The following NRXN1 variants were observed in gnomAD, a reference collection of about 807,000 sequenced individuals.
NRXN1 encodes the protein neurexin 1.
Under a neutral mutation model 150.9 loss-of-function variants are expected in NRXN1, and 39 were observed. That is an observed-to-expected ratio of 0.26 (90% CI 0.20 to 0.34). NRXN1 has a LOEUF of 0.34. Among genes scored for constraint, NRXN1 ranks in the 10% least tolerant of loss-of-function variants. The pLI is 1.00. For synonymous variants in NRXN1, 924 were observed against 757.0 expected, an observed-to-expected ratio of 1.22 and a Z score of -3.62; for missense variants, 1,815 against 1,949.9, an observed-to-expected ratio of 0.93 and a Z score of 1.30.
intron 18 of NRXN1, among the ~76,000 whole-genome samples, chr2:50,183,969 A>C (rs2060905953): frequency 6.6e-6 from 1 of 152,016 alleles, no homozygotes; most frequent in African/African-American, 2.4e-5. Context: ...TAGCAAGTAC[A>C]TTCGCACTGA....
intron 2 of NRXN1, among the ~76,000 whole-genome samples, chr2:50,951,158 A>C (rs184585466): frequency 6.6e-6 from 1 of 152,182 alleles, no homozygotes. Context: ...AGCTCAGGAT[A>C]ATTCCTTGGA....
At chr2:50,193,338 ACGAGTGTTCTGG>A (rs2061561865) in intron 18 of NRXN1, among the ~76,000 whole-genome samples, 1 of 152,188 alleles carries the variant, frequency 6.6e-6, no homozygotes, top group Non-Finnish European at 1.5e-5. Flanking sequence ...TTTAGAGCCT[ACGAGTGTTCTGG>A]TATTGTCCCA....
chr2:50,902,948 G>C (rs1005963550), intron 5 of NRXN1, among the ~76,000 whole-genome samples: 5 of 151,958 alleles, frequency 3.3e-5, no homozygotes, highest in Non-Finnish European at 5.9e-5. Context: ...GATAAGGAAG[G>C]GAAGAGGAAG....
At chr2:50,461,915 G>C (rs1307108838) in intron 17 of NRXN1, among the ~76,000 whole-genome samples, 2 of 151,932 alleles carry the variant, frequency 1.3e-5, no homozygotes, top group African/African-American at 4.8e-5. Flanking sequence ...ATAAGCAATG[G>C]TGAGGAAATT....
Position 50,247,766 on chromosome 2 carries a change from A to G in NRXN1, c.3365-10796T>C, listed in dbSNP as rs185147574. 1.7e-3 allele frequency among the ~76,000 whole-genome samples: 264 copies of G among 152,244 alleles called. 1 individual carries two copies. Among genetic ancestry groups the G allele is most frequent in the Non-Finnish European group, 1.8e-3 (120 of 68,024 alleles). On this transcript the variant is annotated intron_variant, in intron 17 of 22. Transcript: ENST00000401669. ...GATCCTGGCTTTGATAGTGGACCAC[A>G]GAAGAGGGCATTAGTGGGACAACTG... is the stretch of plus-strand genomic sequence containing the variant.
intron 8 of NRXN1, among the ~76,000 whole-genome samples, chr2:50,580,101 A>G (rs1573630684): frequency 6.6e-6 from 1 of 152,350 alleles, no homozygotes; most frequent in East Asian, 1.9e-4. Flanking sequence ...TGAAATAACT[A>G]TTCAATAAAT....
chr2:50,175,366 G>C (rs1432143986), intron 18 of NRXN1, among the ~76,000 whole-genome samples: 1 of 152,180 alleles, frequency 6.6e-6, no homozygotes, highest in East Asian at 1.9e-4. Context: ...AGTTCCAGCA[G>C]ATTATATTCA....
Position 50,296,366 on chromosome 2 carries a change from T to C in NRXN1, c.3365-59396A>G, listed in dbSNP as rs2073559035. The stretch of plus-strand genomic sequence containing the variant: ...TGAACAACATCTTTTTTGTTCTTTC[T>C]TTTTTAAAATACAGATCATGGGGAT... On this transcript the variant is annotated intron_variant, in intron 17 of 22. Coordinates refer to ENST00000401669, the MANE Select transcript of NRXN1 (RefSeq NM_001330078.2). 6.6e-5 allele frequency among the ~76,000 whole-genome samples: 10 copies of C among 152,278 alleles called. No homozygotes were observed. The South Asian group carries it at 1.7e-3, about 25-fold the overall frequency.
At chr2:50,716,314 C>T (rs1205094193) in intron 5 of NRXN1, among the ~76,000 whole-genome samples, 1 of 152,022 alleles carries the variant, frequency 6.6e-6, no homozygotes, top group East Asian at 1.9e-4. Flanking sequence ...AAAACTAAAC[C>T]AATTTCTGTT....
intron 17 of NRXN1, among the ~76,000 whole-genome samples, chr2:50,335,587 G>A (rs1197273205): frequency 6.6e-6 from 1 of 152,130 alleles, no homozygotes; most frequent in South Asian, 2.1e-4. Context: ...CTAAGAGAGC[G>A]AGGAAAAAAA....
At chr2:50,129,203 A>AT (rs79880813) in intron 18 of NRXN1, among the ~76,000 whole-genome samples, 67,593 of 150,908 alleles carry the variant, frequency 0.45, 16,222 homozygotes, top group Middle Eastern at 0.61. Flanking sequence ...CTACTAAAGC[A>AT]TTTTTTTTTA....
chr2:50,829,999 G>GAAAAAAAAAAAAAAAAAAAA lies in NRXN1; in HGVS notation c.832+91850_832+91869dup, dbSNP rs572758147. 2.4e-4 allele frequency among the ~76,000 whole-genome samples: 14 copies of GAAAAAAAAAAAAAAAAAAAA among 58,180 alleles called. 1 individual carries two copies. The highest frequency in any genetic ancestry group is 5.2e-4 in the African/African-American group (5 of 9,526). 38.2% of individuals were successfully genotyped at this position (58,180 alleles called of 152,430 possible). ...GGAACCCAAAGAATACTGCCTGCTGGAAAAAAAAAAAAAAAAAAAAAAAAA... is the reference window on the plus strand; with the variant it reads ...GGAACCCAAAGAATACTGCCTGCTGGAAAAAAAAAAAAAAAAAAAAAAAAAAAAAAAAAAAAAAAAAAAAA... On this transcript the variant is annotated intron_variant, in intron 5 of 22. Coordinates refer to ENST00000401669, the MANE Select transcript of NRXN1 (RefSeq NM_001330078.2).
At chr2:50,853,008 C>T (rs1345923867) in intron 5 of NRXN1, among the ~76,000 whole-genome samples, 1 of 152,134 alleles carries the variant, frequency 6.6e-6, no homozygotes, top group African/African-American at 2.4e-5. Flanking sequence ...TTTCATCTAA[C>T]TTGGCATGTT....
chr2:50,525,197 G>A (rs1279304860), intron 12 of NRXN1, among the ~76,000 whole-genome samples: 1 of 152,204 alleles, frequency 6.6e-6, no homozygotes, highest in Non-Finnish European at 1.5e-5. Context: ...TCACGTGCTA[G>A]TCACAAAAGC....
In NRXN1 at chr2:49,922,156, C is replaced by T. The variant is rs777645510; in HGVS notation, c.4312G>A (p.Val1438Ile). ...AGGATGCACAGGGCGGCAGCGGCTA[C>T]TATCCCAACGACCATACCCGTGGTG... is the stretch of plus-strand genomic sequence containing the variant. Reference protein sequence around the residue: ...SSTTGMVVGIVAAAALCILIL... With the variant: ...SSTTGMVVGIIAAAALCILIL... Residue 1438 changes from valine to isoleucine, a missense_variant, in exon 23 of 23, where the codon GTA (valine) becomes ATA (isoleucine). Around this residue, in one of 6 missense-constraint regions of NRXN1, gnomAD observed 265 missense variants for 307.1 expected, o/e 0.86. Coordinates refer to ENST00000401669, the MANE Select transcript of NRXN1 (RefSeq NM_001330078.2). The T allele has an allele frequency of 6.2e-7, 1 of 1,614,158 alleles. No homozygotes were observed. Among genetic ancestry groups the T allele is most frequent in the South Asian group, 1.1e-5 (1 of 91,088 alleles).
chr2:50,678,472 C>T (rs926591888), intron 5 of NRXN1, among the ~76,000 whole-genome samples: 7 of 152,102 alleles, frequency 4.6e-5, no homozygotes, highest in Non-Finnish European at 8.8e-5. Flanking sequence ...TTTCTGAGTA[C>T]GTGTATATTC....
chr2:50,476,107 T>C (rs1296648814), intron 15 of NRXN1, among the ~76,000 whole-genome samples: 2 of 152,080 alleles, frequency 1.3e-5, no homozygotes, highest in Non-Finnish European at 2.9e-5. Context: ...AAGGCAAAGG[T>C]TGAATTGGGA....
At chr2:50,296,199 C>T (rs2073538893) in intron 17 of NRXN1, among the ~76,000 whole-genome samples, 1 of 152,138 alleles carries the variant, frequency 6.6e-6, no homozygotes, top group Non-Finnish European at 1.5e-5. Flanking sequence ...CATTTAATTA[C>T]AGAACTACAA....
intron 17 of NRXN1, among the ~76,000 whole-genome samples, chr2:50,298,177 A>G (rs566029918): frequency 6.6e-6 from 1 of 152,252 alleles, no homozygotes. Context: ...AAACAGTTGC[A>G]CCTCTTCTTG....
Sources: gnomAD v4.1 joint callset for allele counts (sites outside exome capture counted in the v4.1 genomes callset) on GRCh38, gnomAD v4.1.1 for gene constraint, gnomAD v4.1.1 regional missense constraint, MANE v1.5 for transcripts, NCBI Gene and HGNC (gene_info 2026-07-23, HGNC 2026-07-21) for gene names.